ZNF48: variants seen among roughly 807,000 people sequenced by gnomAD.
ZNF48 encodes the protein zinc finger protein 553.
In ZNF48, 20 loss-of-function variants were observed where a neutral mutation model predicts 40.0. That is an observed-to-expected ratio of 0.50 (90% CI 0.35 to 0.73). The LOEUF is 0.73. Among genes scored for constraint, ZNF48 ranks in the 30% least tolerant of loss-of-function variants. The pLI is 0.01. For missense variants in ZNF48, 726 were observed against 851.9 expected, an observed-to-expected ratio of 0.85 and a Z score of 1.84; for synonymous variants, 298 against 329.7, an observed-to-expected ratio of 0.90 and a Z score of 1.04.
chr16:30,390,616 T>G (rs113785590), upstream of ZNF48, among the ~76,000 whole-genome samples: 1,495 of 51,582 alleles, frequency 0.029, 6 homozygotes, highest in African/African-American at 0.048. Context: ...TTTTTTTTTT[T>G]TTTTTTTTTT....
In ZNF48 at chr16:30,399,258, C is replaced by T. The variant is rs1355513398; in HGVS notation, c.*151C>T. 1 of 817,054 alleles carries T rather than the reference C, an allele frequency of 1.2e-6. No individual in the cohort carries two copies. Among genetic ancestry groups the T allele is most frequent in the African/African-American group, 1.7e-5 (1 of 57,872 alleles). The allele number at this position is 817,054 out of a possible 1,614,324, so 50.6% of individuals were successfully genotyped here. A position where few individuals can be genotyped will look rare whatever the true frequency, so the allele number is the denominator to read the frequency against. The stretch of plus-strand genomic sequence containing the variant: ...AGAAATAGGGATTGGAGACAGTAAC[C>T]TTGAAGCTCAGGAAACTGTCCTGGC... On this transcript the variant is annotated 3_prime_UTR_variant, in exon 3 of 3. Transcript: ENST00000613509.
At chr16:30,390,419 A>AT (rs1193908491), upstream of ZNF48, among the ~76,000 whole-genome samples, 3 of 151,252 alleles carry the variant, frequency 2.0e-5, no homozygotes, top group Non-Finnish European at 3.0e-5. Context: ...TTATTTATTT[A>AT]TTTTTTTTGA....
chr16:30,395,997 G>C lies in ZNF48; in HGVS notation c.79+124G>C, dbSNP rs564587908. 1 of 1,060,966 alleles carries C rather than the reference G, an allele frequency of 9.4e-7. No homozygotes were observed. The highest frequency in any genetic ancestry group is 1.3e-6 in the Non-Finnish European group (1 of 794,210). The allele number at this position is 1,060,966 out of a possible 1,614,324, so 65.7% of individuals were successfully genotyped here. ...AGCTGTGCCTCTGGGGAGATAGGGG[G>C]AGGGGAGCTTTCGGAGCACCAACTG... On this transcript the variant is annotated intron_variant, in intron 2 of 2. Coordinates refer to ENST00000613509, the MANE Select transcript of ZNF48 (RefSeq NM_001214909.2). The surrounding 1 kb of genome is among the most constrained non-coding windows in gnomAD (Gnocchi z 5.9).
rs758306248 is a variant in ZNF48 at position 30,398,054 on chromosome 16, G to A, written c.804G>A (p.Pro268=). The A allele has an allele frequency of 2.1e-5, 34 of 1,612,076 alleles. No individual in the cohort carries two copies. The highest frequency in any genetic ancestry group is 4.0e-5 in the African/African-American group (3 of 74,920). ...SRAATAATQG[P]KAQDKPYICT... ...CAGCCACGGCAGCTACCCAGGGACC[G>A]AAGGCCCAGGACAAGCCATATATCT... The change falls in exon 3 of 3, where the codon CCG becomes CCA. Residue 268 remains proline, a synonymous_variant. Transcript: ENST00000613509. This position sits in a 1 kb window ranked among gnomAD's most constrained non-coding sequence, Gnocchi z 6.6.
chr16:30,393,891 T>G (rs541963255), upstream of ZNF48, among the ~76,000 whole-genome samples: 299 of 151,536 alleles, frequency 2.0e-3, 1 homozygote, highest in African/African-American at 6.4e-3. Context: ...AAATTTTTGT[T>G]TTTTTTTTGT....
rs202239536 is a variant in ZNF48, at chr16:30,397,551, C to A, written c.301C>A (p.Pro101Thr). Reference sequence around the variant, plus strand: ...CAGAGGCCCCCGGCTCCTGGGTGAACCACGCTGGGGCCAGGCTAGTAGTGA... The same window carrying A: ...CAGAGGCCCCCGGCTCCTGGGTGAAACACGCTGGGGCCAGGCTAGTAGTGA... ...RDRGPRLLGE[P>T]RWGQASSDRA... The change falls in exon 3 of 3, where the codon CCA (proline) becomes ACA (threonine). Residue 101 changes from proline to threonine, a missense_variant. Coordinates refer to ENST00000613509, the MANE Select transcript of ZNF48 (RefSeq NM_001214909.2). The surrounding 1 kb of genome is among the most constrained non-coding windows in gnomAD (Gnocchi z 4.1). The A allele has an allele frequency of 4.4e-5, 71 of 1,614,102 alleles. No individual in the cohort carries two copies. The African/African-American group carries it at 8.8e-4, about 20-fold the overall frequency.
At chr16:30,378,692 G>C in intron 1 of ZNF48, 1 of 1,607,978 alleles carries the variant, frequency 6.2e-7, no homozygotes. Context: ...GCTCTGGCGG[G>C]AAAGCTTACT....
chr16:30,380,090 A>G, intron 1 of ZNF48: 2 of 1,430,062 alleles, frequency 1.4e-6, no homozygotes, highest in East Asian at 2.4e-5. Context: ...CAGACATTTC[A>G]TGACCAGAGA....
chr16:30,398,407 A>G lies in ZNF48; in HGVS notation c.1157A>G (p.Asp386Gly). Residue 386 changes from aspartate to glycine, a missense_variant, in exon 3 of 3, where the codon GAC becomes GGC. Transcript: ENST00000613509. This position sits in a 1 kb window ranked among gnomAD's most constrained non-coding sequence, Gnocchi z 6.6. ...CGCCTCACTCACATGGAGCCCCAGG[A>G]CTTCAGCTTCCCAGGCTATCCCCTA... Reference protein sequence around the residue: ...RHRLTHMEPQDFSFPGYPLPA... With the variant: ...RHRLTHMEPQGFSFPGYPLPA... The G allele has an allele frequency of 6.2e-7, 1 of 1,609,504 alleles. No homozygotes were observed. Among genetic ancestry groups the G allele is most frequent in the Non-Finnish European group, 8.5e-7 (1 of 1,176,872 alleles).
chr16:30,398,480 C>G lies in ZNF48; in HGVS notation c.1230C>G (p.Pro410=). ...SPPPPPLGTS[P]PLTPRSPSHS... ...CCCCACCTCCTCTGGGCACCAGCCC[C>G]CCGCTGACACCTCGAAGTCCCTCAC... Residue 410 remains proline, a synonymous_variant, in exon 3 of 3, where the codon CCC becomes CCG. Transcript: ENST00000613509. The surrounding 1 kb of genome is among the most constrained non-coding windows in gnomAD (Gnocchi z 6.6). 2 of 1,587,556 alleles carry G rather than the reference C, an allele frequency of 1.3e-6. No homozygotes were observed. Among genetic ancestry groups the G allele is most frequent in the South Asian group, 1.1e-5 (1 of 87,034 alleles).
chr16:30,386,470 C>T (rs566640016), intron 1 of ZNF48, among the ~76,000 whole-genome samples: 21 of 151,704 alleles, frequency 1.4e-4, no homozygotes, highest in Admixed American at 7.9e-4. Context: ...CTCAGGAATT[C>T]GAGACCAGCC....
chr16:30,393,407 C>T (rs370238188), upstream of ZNF48, among the ~76,000 whole-genome samples: 103 of 150,144 alleles, frequency 6.9e-4, no homozygotes, highest in African/African-American at 2.4e-3. Flanking sequence ...TTTTTTGAGA[C>T]GCAGTCTGAC....
chr16:30,398,670 A>G lies in ZNF48; in HGVS notation c.1420A>G (p.Thr474Ala). ...SDLVKHHRVH[T>A]GEKPYLCPEC... ...CCTGGTGAAACACCATCGTGTGCACACAGGGGAGAAACCCTACCTCTGTCC... is the reference window on the plus strand; with the variant it reads ...CCTGGTGAAACACCATCGTGTGCACGCAGGGGAGAAACCCTACCTCTGTCC... The change falls in exon 3 of 3, where the codon ACA (threonine) becomes GCA (alanine). Residue 474 changes from threonine to alanine, a missense_variant. Physicochemically the swap from Thr to Ala is moderately conservative, Grantham distance 58 (BLOSUM62 0). This residue lies in a region of ZNF48 where 25 missense variants were observed against 51.5 expected (regional missense o/e 0.49). Transcript: ENST00000613509. The surrounding 1 kb of genome is among the most constrained non-coding windows in gnomAD (Gnocchi z 6.6). 1 of 1,612,972 alleles carries G rather than the reference A, an allele frequency of 6.2e-7. No individual in the cohort carries two copies. The highest frequency in any genetic ancestry group is 1.7e-4 in the Middle Eastern group (1 of 6,054).
At chr16:30,391,793 A>T (rs994727667), upstream of ZNF48, among the ~76,000 whole-genome samples, 1 of 136,820 alleles carries the variant, frequency 7.3e-6, no homozygotes, top group Non-Finnish European at 1.5e-5. Context: ...CACTGATTCC[A>T]GCCTAAGGTT....
At chr16:30,379,175 G>A (rs1176359510) in intron 1 of ZNF48, 1 of 1,614,126 alleles carries the variant, frequency 6.2e-7, no homozygotes, top group Non-Finnish European at 8.5e-7. Flanking sequence ...CAGTGATGTG[G>A]GTTCTCCACT....
At chr16:30,393,823 C>T (rs897565045), upstream of ZNF48, among the ~76,000 whole-genome samples, 1 of 152,078 alleles carries the variant, frequency 6.6e-6, no homozygotes, top group Non-Finnish European at 1.5e-5. Flanking sequence ...TCAGGTGATC[C>T]TCCTGCCTCA....
chr16:30,382,680 G>C lies in ZNF48; in HGVS notation c.-16+4270G>C. ...GAGAGGTGGGGAAGGCCAAGGCCAA[G>C]AACACTTGGGGTTGCCACCTCCTGG... On this transcript the variant is annotated intron_variant, in intron 1 of 2. Transcript: ENST00000528032. The surrounding 1 kb of genome is among the most constrained non-coding windows in gnomAD (Gnocchi z 4.8). 1 of 1,533,002 alleles carries C rather than the reference G, an allele frequency of 6.5e-7. No homozygotes were observed. The highest frequency in any genetic ancestry group is 8.8e-7 in the Non-Finnish European group (1 of 1,141,904). 95.0% of individuals were successfully genotyped at this position (1,533,002 alleles called of 1,614,324 possible). A position where few individuals can be genotyped will look rare whatever the true frequency, so the allele number is the denominator to read the frequency against.
intron 1 of ZNF48, chr16:30,379,021 C>A: frequency 6.2e-7 from 1 of 1,612,346 alleles, no homozygotes; most frequent in African/African-American, 1.3e-5. Flanking sequence ...GTCTCACCTG[C>A]GGCTGGCTCG....
chr16:30,395,629 G>T lies in ZNF48; in HGVS notation c.-16+51G>T. On this transcript the variant is annotated intron_variant, in intron 1 of 2. Coordinates refer to ENST00000613509, the MANE Select transcript of ZNF48 (RefSeq NM_001214909.2). This position sits in a 1 kb window ranked among gnomAD's most constrained non-coding sequence, Gnocchi z 5.9. ...AGGAGCAGCAGGTGCAGGGGCGGCCGGCGGCGCGGGCAGGGGGCACCGGGA... is the reference window on the plus strand; with the variant it reads ...AGGAGCAGCAGGTGCAGGGGCGGCCTGCGGCGCGGGCAGGGGGCACCGGGA... 1 of 389,198 alleles carries T rather than the reference G, an allele frequency of 2.6e-6. No individual in the cohort carries two copies. The highest frequency in any genetic ancestry group is 1.1e-4 in the South Asian group (1 of 8,906). The allele number at this position is 389,198 out of a possible 1,614,324, so 24.1% of individuals were successfully genotyped here.
Sources: allele counts gnomAD v4.1 joint callset (sites outside exome capture counted in the v4.1 genomes callset), GRCh38; gene constraint gnomAD v4.1.1; regional missense constraint gnomAD v4.1.1; non-coding constraint Gnocchi (gnomAD v3.1); transcripts MANE v1.5; gene names NCBI Gene and HGNC (gene_info 2026-07-23, HGNC 2026-07-21).